Variants in PRR23E observed in about 807,000 individuals in gnomAD.
The protein encoded by PRR23E is PRR23 family member E.
the PRR23E span, among the ~76,000 whole-genome samples, chr3:127,196,437 G>A: frequency 7.2e-5 from 11 of 152,044 alleles, no homozygotes; most frequent in Non-Finnish European, 7.4e-5. Flanking sequence ...GGGGCCACTC[G>A]TTCCTACCCA....
chr3:127,195,898 T>A, the PRR23E span, among the ~76,000 whole-genome samples: 1 of 152,148 alleles, frequency 6.6e-6, no homozygotes, highest in Non-Finnish European at 1.5e-5. Flanking sequence ...GGGACCTTCG[T>A]TTTGGGGAAA....
chr3:127,197,820 C>G, the PRR23E span: 1 of 158,000 alleles, frequency 6.3e-6, no homozygotes, highest in Non-Finnish European at 1.4e-5. Flanking sequence ...AGGACTCTCT[C>G]TGCCCCTCCT....
the PRR23E span, chr3:127,196,717 AGCAGAAGGTCC>A: frequency 6.3e-7 from 1 of 1,593,328 alleles, no homozygotes; most frequent in Non-Finnish European, 8.5e-7. Context: ...AAACAAGCAG[AGCAGAAGGTCC>A]GCCGTGCCTT....
chr3:127,195,722 C>A, the PRR23E span, among the ~76,000 whole-genome samples: 2 of 152,294 alleles, frequency 1.3e-5, no homozygotes, highest in East Asian at 3.9e-4. Flanking sequence ...CTGACCGCAC[C>A]AGCCTCCGCT....
At chr3:127,196,202 C>T in the PRR23E span, among the ~76,000 whole-genome samples, 4 of 152,160 alleles carry the variant, frequency 2.6e-5, no homozygotes, top group African/African-American at 9.7e-5. Context: ...TGGGGTGGCC[C>T]CTGTGGATTT....
chr3:127,193,473 C>A, the PRR23E span, among the ~76,000 whole-genome samples: 1 of 152,074 alleles, frequency 6.6e-6, no homozygotes, highest in Non-Finnish European at 1.5e-5. Flanking sequence ...GCACCCCACC[C>A]TATGAGACAG....
At chr3:127,197,316 C>A in the PRR23E span, 2 of 1,598,598 alleles carry the variant, frequency 1.3e-6, no homozygotes, top group Non-Finnish European at 1.7e-6. Context: ...CCGCCCTCTG[C>A]CCCCTTCCCC....
At chr3:127,197,193 G>T in the PRR23E span, 3 of 1,594,644 alleles carry the variant, frequency 1.9e-6, no homozygotes, top group Non-Finnish European at 2.5e-6. Flanking sequence ...CAGGGCTGCC[G>T]TAGAGGGGCC....
chr3:127,197,256 G>A, the PRR23E span: 3 of 1,599,426 alleles, frequency 1.9e-6, no homozygotes, highest in Non-Finnish European at 1.7e-6. Context: ...CTCAGAATGG[G>A]CCTCCAGGTT....
chr3:127,196,510 C>A, the PRR23E span: 1 of 1,017,328 alleles, frequency 9.8e-7, no homozygotes, highest in Non-Finnish European at 1.4e-6. Context: ...TCACCTCACC[C>A]CCAGCTGTCC....
At chr3:127,193,414 C>G in the PRR23E span, 1 of 152,598 alleles carries the variant, frequency 6.6e-6, no homozygotes, top group African/African-American at 2.4e-5. Flanking sequence ...TCCTTCCCGC[C>G]CCTTCCCTGC....
the PRR23E span, among the ~76,000 whole-genome samples, chr3:127,194,097 T>A: frequency 3.9e-5 from 6 of 152,252 alleles, no homozygotes; most frequent in South Asian, 2.1e-4. Flanking sequence ...GCATTTTTTT[T>A]AACCAGATAT....
chr3:127,195,985 T>G, the PRR23E span, among the ~76,000 whole-genome samples: 2 of 152,184 alleles, frequency 1.3e-5, no homozygotes, highest in Admixed American at 6.5e-5. Flanking sequence ...TCTCTTCCTT[T>G]CCATCATGTC....
the PRR23E span, chr3:127,197,468 C>A: frequency 7.0e-6 from 10 of 1,424,540 alleles, no homozygotes; most frequent in African/African-American, 1.3e-4. Context: ...CTGGTGGAGC[C>A]CAGCCAGCTG....
chr3:127,193,442 A>C, the PRR23E span, among the ~76,000 whole-genome samples: 2 of 151,878 alleles, frequency 1.3e-5, no homozygotes, highest in African/African-American at 4.8e-5. Flanking sequence ...GCAGTTCAGC[A>C]GGCCTGAAAG....
chr3:127,197,472 C>T, the PRR23E span: 2 of 1,408,664 alleles, frequency 1.4e-6, no homozygotes, highest in Non-Finnish European at 1.9e-6. Context: ...TGGAGCCCAG[C>T]CAGCTGTGGA....
the PRR23E span, among the ~76,000 whole-genome samples, chr3:127,194,008 G>T: frequency 6.6e-6 from 1 of 152,192 alleles, no homozygotes; most frequent in Non-Finnish European, 1.5e-5. Context: ...CATATGATTA[G>T]CTCTGGTCTG....
At chr3:127,197,115 A>G in the PRR23E span, 1 of 1,597,032 alleles carries the variant, frequency 6.3e-7, no homozygotes, top group Non-Finnish European at 8.5e-7. Context: ...GGCTTCTCCC[A>G]CTCTGGGCGG....
chr3:127,195,387 A>G, the PRR23E span, among the ~76,000 whole-genome samples: 7 of 152,072 alleles, frequency 4.6e-5, no homozygotes, highest in African/African-American at 1.4e-4. Flanking sequence ...GCTCCCTGCC[A>G]TGCTCGCCCT....
Sources: gnomAD v4.1 joint callset for allele counts (sites outside exome capture counted in the v4.1 genomes callset) on GRCh38, gnomAD v4.1.1 for gene constraint, MANE v1.5 for transcripts, NCBI Gene and HGNC (gene_info 2026-07-23, HGNC 2026-07-21) for gene names.